SLF1: variants seen among roughly 807,000 people sequenced by gnomAD.
SLF1 encodes the protein SMC5/6 complex localization factor 1, also known as SMC5-SMC6 complex localization factor protein 1.
SLF1 carries 105 observed loss-of-function variants against 123.0 expected under a neutral mutation model. The ratio of observed to expected loss-of-function variants is 0.85; its 90% CI spans 0.73 to 1.00. The LOEUF is 1.00. Among genes scored for constraint, SLF1 ranks in the 50% least tolerant of loss-of-function variants. The probability of loss-of-function intolerance (pLI) is 0.00; values close to 1 mark genes in which losing one functional copy is unlikely to be tolerated. For synonymous variants in SLF1, 434 were observed against 406.6 expected, an observed-to-expected ratio of 1.07 and a Z score of -0.81; for missense variants, 1,239 against 1,223.0, an observed-to-expected ratio of 1.01 and a Z score of -0.20.
intron 16 of SLF1, among the ~76,000 whole-genome samples, chr5:94,687,383 G>C (rs6879307): frequency 6.6e-6 from 1 of 151,974 alleles, no homozygotes. Context: ...AGGGGCAGTG[G>C]GGGGAAGGTA....
intron 12 of SLF1, among the ~76,000 whole-genome samples, chr5:94,668,732 G>A (rs934416869): frequency 2.4e-4 from 37 of 152,040 alleles, no homozygotes; most frequent in African/African-American, 8.9e-4. Flanking sequence ...CTCCTACCTT[G>A]TCCTCCCAAA....
At chr5:94,644,180 C>G (rs1746750856) in intron 5 of SLF1, among the ~76,000 whole-genome samples, 1 of 152,142 alleles carries the variant, frequency 6.6e-6, no homozygotes, top group South Asian at 2.1e-4. Flanking sequence ...CTCTGCACTT[C>G]TGTACTAACA....
At chr5:94,661,134 A>G (rs1749049649) in intron 9 of SLF1, among the ~76,000 whole-genome samples, 1 of 152,180 alleles carries the variant, frequency 6.6e-6, no homozygotes, top group Non-Finnish European at 1.5e-5. Flanking sequence ...TGTGGGACTC[A>G]GCGTGTACTC....
chr5:94,691,177 T>C, intron 18 of SLF1: 1 of 190,272 alleles, frequency 5.3e-6, no homozygotes, highest in Non-Finnish European at 1.1e-5. Context: ...ATGAATAAAT[T>C]TAAGAGAGGG....
At chr5:94,628,380 G>A (rs184999310) in intron 1 of SLF1, among the ~76,000 whole-genome samples, 7 of 152,222 alleles carry the variant, frequency 4.6e-5, no homozygotes, top group African/African-American at 9.6e-5. Flanking sequence ...CTCGTGATCC[G>A]CCGGCCTCGG....
chr5:94,623,381 A>G (rs1001020678), intron 1 of SLF1, among the ~76,000 whole-genome samples: 3 of 152,214 alleles, frequency 2.0e-5, no homozygotes, highest in African/African-American at 7.2e-5. Flanking sequence ...AATAATTACT[A>G]CAAAAGGACA....
chr5:94,666,777 C>A lies in SLF1; in HGVS notation c.1532+753C>A, dbSNP rs542721608. On this transcript the variant is annotated intron_variant, in intron 12 of 20. Coordinates refer to ENST00000265140, the MANE Select transcript of SLF1 (RefSeq NM_032290.4). Reference sequence around the variant, plus strand: ...TTAGCCTTCCAAGTAGCTAGAGTTACAGGCATGTGCCTCCACGTCCAGCTA... The same window carrying A: ...TTAGCCTTCCAAGTAGCTAGAGTTAAAGGCATGTGCCTCCACGTCCAGCTA... Among the ~76,000 whole-genome samples, 292 of 152,250 alleles carry A rather than the reference C, an allele frequency of 1.9e-3. 3 individuals carry two copies. The highest frequency in any genetic ancestry group is 3.1e-3 in the Non-Finnish European group (213 of 68,014).
intron 15 of SLF1, among the ~76,000 whole-genome samples, chr5:94,684,282 A>G (rs1168128241): frequency 6.6e-6 from 1 of 152,314 alleles, no homozygotes; most frequent in South Asian, 2.1e-4. Context: ...TAAATGTTCA[A>G]ATTATCTTTT....
intron 4 of SLF1, among the ~76,000 whole-genome samples, chr5:94,642,413 A>C (rs1430116193): frequency 6.6e-6 from 1 of 152,170 alleles, no homozygotes; most frequent in African/African-American, 2.4e-5. Flanking sequence ...TGCCCCTTAA[A>C]TTTTGTAAAC....
At chr5:94,686,067 C>T (rs950775356) in intron 15 of SLF1, among the ~76,000 whole-genome samples, 1 of 152,012 alleles carries the variant, frequency 6.6e-6, no homozygotes, top group Admixed American at 6.6e-5. Flanking sequence ...TTACCTTGTG[C>T]CTTTCCTCCT....
At chr5:94,679,094 T>TAC (rs1751454235) in intron 15 of SLF1, 139 bp downstream of exon 15, 3 of 900,732 alleles carry the variant, frequency 3.3e-6, no homozygotes, top group East Asian at 2.6e-5. Flanking sequence ...CACACATAGA[T>TAC]TCACACACAC....
intron 4 of SLF1, among the ~76,000 whole-genome samples, chr5:94,633,044 G>C (rs1409483423): frequency 2.0e-5 from 3 of 151,784 alleles, no homozygotes; most frequent in Non-Finnish European, 2.9e-5. Context: ...CGGCTGGAGT[G>C]CAGTGGCGTG....
In SLF1 at chr5:94,686,698, C is replaced by G; in HGVS notation, c.2101C>G (p.Pro701Ala). Reference sequence around the variant, plus strand: ...GAGCTCTGGCAGTGTTTCTTCTGAGCCACTCTCTCTTCAGAAAATGGTAAG... The same window carrying G: ...GAGCTCTGGCAGTGTTTCTTCTGAGGCACTCTCTCTTCAGAAAATGGTAAG... ...LQSSGSVSSE[P>A]LSLQKMVYSY... Residue 701 changes from proline to alanine, a missense_variant, in exon 16 of 21, where the codon CCA (proline) becomes GCA (alanine). Physicochemically the swap from Pro to Ala is conservative, Grantham distance 27. Coordinates refer to ENST00000265140, the MANE Select transcript of SLF1 (RefSeq NM_032290.4). 1 of 1,613,892 alleles carries G rather than the reference C, an allele frequency of 6.2e-7. No homozygotes were observed.
intron 4 of SLF1, among the ~76,000 whole-genome samples, chr5:94,636,172 G>A (rs1297592535): frequency 6.6e-6 from 1 of 152,044 alleles, no homozygotes; most frequent in South Asian, 2.1e-4. Context: ...TCAGACTCTT[G>A]TAGGTGATAT....
intron 14 of SLF1, among the ~76,000 whole-genome samples, chr5:94,676,233 C>G (rs925097071): frequency 5.3e-5 from 8 of 152,114 alleles, no homozygotes; most frequent in African/African-American, 1.7e-4. Context: ...TTTCACTGTT[C>G]TGTTTTATAT....
chr5:94,667,609 G>A (rs796084059), intron 12 of SLF1, among the ~76,000 whole-genome samples: 2 of 152,254 alleles, frequency 1.3e-5, no homozygotes, highest in Middle Eastern at 3.4e-3. Flanking sequence ...AGCGAAATAC[G>A]TAAGACCCTT....
rs752500777 is a variant in SLF1, at chr5:94,653,466, G to T, written c.1032+45G>T. On this transcript the variant is annotated intron_variant, in intron 8 of 20. Coordinates refer to ENST00000265140, the MANE Select transcript of SLF1 (RefSeq NM_032290.4). Reference sequence around the variant, plus strand: ...CTATAGCTTTCTTTTTTATTTTTTGGCTGTTCTCTGATATAATCTAGATAT... The same window carrying T: ...CTATAGCTTTCTTTTTTATTTTTTGTCTGTTCTCTGATATAATCTAGATAT... 6.4e-5 allele frequency: 91 copies of T among 1,428,308 alleles called. No homozygotes were observed. In the East Asian group the frequency reaches 2.5e-3, roughly 40 times the overall value. The allele number at this position is 1,428,308 out of a possible 1,614,324, so 88.5% of individuals were successfully genotyped here.
At chr5:94,692,990 A>G (rs1458121087) in intron 20 of SLF1, among the ~76,000 whole-genome samples, 2 of 152,168 alleles carry the variant, frequency 1.3e-5, no homozygotes, top group African/African-American at 2.4e-5. Flanking sequence ...AAAAAAGAAA[A>G]CTGATGACCA....
rs190352581 is a variant in SLF1 at position 94,694,750 on chromosome 5, T to C, written c.2696-81T>C. ...GATTGCAAAGAAAGCACTGGATGCT[T>C]TGGGAAAAAGGAGAAAAGAGCTGTT... On this transcript the variant is annotated intron_variant, in intron 20 of 20. Coordinates refer to ENST00000265140, the MANE Select transcript of SLF1 (RefSeq NM_032290.4). 1,026 of 1,487,872 alleles carry C rather than the reference T, an allele frequency of 6.9e-4. 1 individual carries two copies. Among genetic ancestry groups the C allele is most frequent in the Non-Finnish European group, 7.8e-4 (874 of 1,118,402 alleles). 92.2% of individuals were successfully genotyped at this position (1,487,872 alleles called of 1,614,324 possible).
Sources: gnomAD v4.1 joint callset for allele counts (sites outside exome capture counted in the v4.1 genomes callset) on GRCh38, gnomAD v4.1.1 for gene constraint, MANE v1.5 for transcripts, NCBI Gene and HGNC (gene_info 2026-07-23, HGNC 2026-07-21) for gene names.